KATNIP: variants seen among roughly 807,000 people sequenced by gnomAD.
KATNIP encodes katanin interacting protein, also known as katanin-interacting protein.
A neutral mutation model predicts 174.0 loss-of-function variants in KATNIP; 126 were observed. The observed-to-expected ratio is 0.72, with a 90% CI of 0.63 to 0.84. The LOEUF (loss-of-function observed/expected upper bound fraction) is 0.84, where lower values mean the gene tolerates loss of function less well. KATNIP is among the 40% of genes least tolerant of loss of function. The probability of loss-of-function intolerance (pLI) is 0.00; values close to 1 mark genes in which losing one functional copy is unlikely to be tolerated. For synonymous variants in KATNIP, 810 were observed against 835.7 expected (o/e 0.97, Z 0.53); for missense variants, 1,958 against 2,109.7 (o/e 0.93, Z 1.41).
At chr16:27,702,393 G>C (rs529474315) in intron 11 of KATNIP, among the ~76,000 whole-genome samples, 1 of 152,310 alleles carries the variant, frequency 6.6e-6, no homozygotes, top group East Asian at 1.9e-4. Flanking sequence ...GCAGTTATTG[G>C]AACTGTCAGG....
intron 15 of KATNIP, among the ~76,000 whole-genome samples, 176 bp downstream of exon 15, chr16:27,741,096 A>G (rs1171658926): frequency 6.6e-6 from 1 of 152,238 alleles, no homozygotes; most frequent in Non-Finnish European, 1.5e-5. Context: ...CATGAGTGAA[A>G]TGGGCAAGAC....
At chr16:27,644,208 G>T (rs567614171) in intron 5 of KATNIP, 1 of 152,192 alleles carries the variant, frequency 6.6e-6, no homozygotes, top group South Asian at 2.1e-4. Flanking sequence ...TTTTGGTAGA[G>T]ACAGGGTTTC....
intron 2 of KATNIP, among the ~76,000 whole-genome samples, chr16:27,610,063 T>A (rs1380450090): frequency 6.6e-6 from 1 of 150,898 alleles, no homozygotes; most frequent in Non-Finnish European, 1.5e-5. Context: ...GAGATGGGGG[T>A]CAAGGCCTAG....
intron 1 of KATNIP, among the ~76,000 whole-genome samples, chr16:27,555,220 T>C (rs1377958626): frequency 3.3e-5 from 5 of 152,234 alleles, no homozygotes; most frequent in African/African-American, 1.2e-4. Flanking sequence ...GTTTACTTCC[T>C]ACGTTCACAA....
chr16:27,766,289 C>T lies in KATNIP; in HGVS notation c.3810-20C>T. On this transcript the variant is annotated intron_variant, in intron 19 of 27. Transcript: ENST00000261588. Reference sequence around the variant, plus strand: ...TGCCCACTGAGCCGCCCCCCTGCCGCTCCGTCCCCATTGCTGCAGGTTAAT... The same window carrying T: ...TGCCCACTGAGCCGCCCCCCTGCCGTTCCGTCCCCATTGCTGCAGGTTAAT... 1 of 1,612,958 alleles carries T rather than the reference C, an allele frequency of 6.2e-7. No individual in the cohort carries two copies. Among genetic ancestry groups the T allele is most frequent in the Non-Finnish European group, 8.5e-7 (1 of 1,179,672 alleles).
rs923734504 is a variant in KATNIP at position 27,631,024 on chromosome 16, T to C, written c.311-41T>C. 3 of 1,477,564 alleles carry C rather than the reference T, an allele frequency of 2.0e-6. No homozygotes were observed. In the African/African-American group the frequency reaches 4.2e-5, roughly 21 times the overall value. The allele number at this position is 1,477,564 out of a possible 1,614,324, so 91.5% of individuals were successfully genotyped here. On this transcript the variant is annotated intron_variant, in intron 4 of 27. Coordinates refer to ENST00000261588, the MANE Select transcript of KATNIP (RefSeq NM_015202.5). ...CCAACCCAGTACTGTGAGCTTGTCA[T>C]CAGTGCCTCACCAAGTCTCCTTCCC...
chr16:27,604,124 G>A (rs148223204), intron 2 of KATNIP, among the ~76,000 whole-genome samples: 11 of 151,974 alleles, frequency 7.2e-5, no homozygotes, highest in Non-Finnish European at 1.6e-4. Context: ...ATTGAAACAG[G>A]GTCTCACTCT....
At chr16:27,710,269 A>G (rs2079513768) in intron 13 of KATNIP, among the ~76,000 whole-genome samples, 1 of 152,142 alleles carries the variant, frequency 6.6e-6, no homozygotes, top group African/African-American at 2.4e-5. Context: ...GAGCCAGGAG[A>G]GTCGCTTGAA....
chr16:27,751,867 C>G lies in KATNIP; in HGVS notation c.3495C>G (p.Ala1165=), dbSNP rs746022960. The G allele has an allele frequency of 6.2e-7, 1 of 1,613,586 alleles. No individual in the cohort carries two copies. Among genetic ancestry groups the G allele is most frequent in the African/African-American group, 1.3e-5 (1 of 74,890 alleles). ...DEEAMRRPST[A]DGEGDERPFT... The stretch of plus-strand genomic sequence containing the variant: ...AGGCAATGAGGAGGCCCAGCACGGC[C>G]GACGGCGAGGGGGATGAGCGGCCCT... Residue 1165 remains alanine (A), a synonymous_variant, in exon 17 of 28, where the codon GCC becomes GCG. Transcript: ENST00000261588.
chr16:27,725,421 G>A (rs1467040031), intron 14 of KATNIP, among the ~76,000 whole-genome samples: 2 of 152,262 alleles, frequency 1.3e-5, no homozygotes, highest in East Asian at 1.9e-4. Context: ...CTGGTTCATC[G>A]AGGAAAGGGT....
At chr16:27,703,692 T>C (rs1481068263) in intron 11 of KATNIP, among the ~76,000 whole-genome samples, 1 of 152,240 alleles carries the variant, frequency 6.6e-6, no homozygotes, top group Non-Finnish European at 1.5e-5. Context: ...TTTCCCCAGC[T>C]GGGCTCTGAT....
In KATNIP at chr16:27,770,001, G is replaced by C. The variant is rs756466080; in HGVS notation, c.4116G>C (p.Leu1372=). ...TGGACTACCTACGGGCTCAGCTGCTGCCCCAGCCGGCCAGGAGGTGAGGAG... is the reference window on the plus strand; with the variant it reads ...TGGACTACCTACGGGCTCAGCTGCTCCCCCAGCCGGCCAGGAGGTGAGGAG... The part of the protein sequence containing the change: ...LFVDYLRAQL[L]PQPARRLDMR... The change falls in exon 21 of 28, where the codon CTG becomes CTC. Residue 1372 remains leucine, a synonymous_variant. Coordinates refer to ENST00000261588, the MANE Select transcript of KATNIP (RefSeq NM_015202.5). The C allele has an allele frequency of 6.2e-7, 1 of 1,613,710 alleles. No homozygotes were observed. The highest frequency in any genetic ancestry group is 1.1e-5 in the South Asian group (1 of 91,080).
chr16:27,758,229 C>T (rs908086305), intron 18 of KATNIP, among the ~76,000 whole-genome samples: 4 of 152,184 alleles, frequency 2.6e-5, no homozygotes, highest in Non-Finnish European at 4.4e-5. Context: ...TCCAAATCCA[C>T]ATCCTCCTCC....
In KATNIP at chr16:27,681,095, G is replaced by A. The variant is rs928171833; in HGVS notation, c.809-304G>A. 2.8e-5 allele frequency: 9 copies of A among 318,366 alleles called. 1 individual carries two copies. Among genetic ancestry groups the A allele is most frequent in the South Asian group, 2.7e-4 (9 of 32,832 alleles). 19.7% of individuals were successfully genotyped at this position (318,366 alleles called of 1,614,324 possible). On this transcript the variant is annotated intron_variant, in intron 7 of 27. Transcript: ENST00000261588. ...AGTTCCCCCACCACAGCCTCCCAAA[G>A]CACCGGGATTACAGGTGTGAGCCAC...
intron 7 of KATNIP, among the ~76,000 whole-genome samples, chr16:27,680,176 G>A (rs943952031): frequency 6.6e-6 from 1 of 152,084 alleles, no homozygotes; most frequent in Non-Finnish European, 1.5e-5. Flanking sequence ...CACTTCTCCA[G>A]CATGCAGCAC....
chr16:27,754,178 G>T lies in KATNIP; in HGVS notation c.3558G>T (p.Pro1186=). The part of the protein sequence containing the change: ...QAGLGADERI[P]ELELPSSSPV... Reference sequence around the variant, plus strand: ...CTTCTCCAACCCATGTGCAGATCCCGGAGCTAGAGCTCCCATCCAGTTCCC... The same window carrying T: ...CTTCTCCAACCCATGTGCAGATCCCTGAGCTAGAGCTCCCATCCAGTTCCC... Residue 1186 remains proline (P), a synonymous_variant, in exon 18 of 28, where the codon CCG becomes CCT. Coordinates refer to ENST00000261588, the MANE Select transcript of KATNIP (RefSeq NM_015202.5). The T allele has an allele frequency of 1.2e-6, 2 of 1,613,918 alleles. No individual in the cohort carries two copies. The highest frequency in any genetic ancestry group is 1.7e-6 in the Non-Finnish European group (2 of 1,179,848).
chr16:27,728,997 GC>G (rs2080557522), intron 14 of KATNIP, among the ~76,000 whole-genome samples: 1 of 152,236 alleles, frequency 6.6e-6, no homozygotes, highest in African/African-American at 2.4e-5. Flanking sequence ...CCTGCCTCCT[GC>G]CAGGACTGAC....
chr16:27,578,984 A>T (rs1301909791), intron 2 of KATNIP, among the ~76,000 whole-genome samples: 1 of 152,202 alleles, frequency 6.6e-6, no homozygotes, highest in Non-Finnish European at 1.5e-5. Flanking sequence ...TCTAACAAGT[A>T]TTCATGGTTC....
rs368787277 is a variant in KATNIP at position 27,707,079 on chromosome 16, G to A, written c.1390-1626G>A. On this transcript the variant is annotated intron_variant, in intron 12 of 27. Coordinates refer to ENST00000261588, the MANE Select transcript of KATNIP (RefSeq NM_015202.5). The stretch of plus-strand genomic sequence containing the variant: ...ACCTCTCTCCCTCCTCCCTATCCGC[G>A]TTCCCACCGTGTGGCAATCAAGGCC... 1.2e-4 allele frequency among the ~76,000 whole-genome samples: 18 copies of A among 152,182 alleles called. 1 individual carries two copies. Among genetic ancestry groups the A allele is most frequent in the South Asian group, 4.1e-4 (2 of 4,826 alleles).
Sources: allele counts gnomAD v4.1 joint callset (sites outside exome capture counted in the v4.1 genomes callset), GRCh38; gene constraint gnomAD v4.1.1; transcripts MANE v1.5; gene names NCBI Gene and HGNC (gene_info 2026-07-23, HGNC 2026-07-21).